The following STK32A variants were observed in gnomAD, a reference collection of about 807,000 sequenced individuals.
The protein encoded by STK32A is serine/threonine-protein kinase 32A.
STK32A carries 41 observed loss-of-function variants against 53.2 expected under a neutral mutation model. The ratio of observed to expected loss-of-function variants is 0.77; its 90% CI spans 0.60 to 1.00. STK32A has a LOEUF of 1.00. STK32A is among the 50% of genes least tolerant of loss of function. The pLI, the probability that STK32A is intolerant of heterozygous loss-of-function variation, is 0.00. For missense variants in STK32A, 458 were observed against 485.8 expected, an observed-to-expected ratio of 0.94 and a Z score of 0.54; for synonymous variants, 166 against 162.8, an observed-to-expected ratio of 1.02 and a Z score of -0.15.
At chr5:147,322,557 C>A (rs1036055474) in intron 4 of STK32A, among the ~76,000 whole-genome samples, 2 of 152,194 alleles carry the variant, frequency 1.3e-5, no homozygotes, top group African/African-American at 4.8e-5. Flanking sequence ...TAATTTGTCA[C>A]AAGGAAGTAA....
rs1265004430 is a variant in STK32A, at chr5:147,387,710, A to C, written c.*3727A>C. ...TGACTGATATTAAACACTGATATTA[A>C]AATTTCAAACTTCACTTATCTGTGC... On this transcript the variant is annotated 3_prime_UTR_variant, in exon 13 of 13. Transcript: ENST00000397936. 6.6e-6 allele frequency: 1 copy of C among 152,264 alleles called. No homozygotes were observed. The highest frequency in any genetic ancestry group is 1.5e-5 in the Non-Finnish European group (1 of 68,044). The allele number at this position is 152,264 out of a possible 1,614,324, so 9.4% of individuals were successfully genotyped here. A position where few individuals can be genotyped will look rare whatever the true frequency, so the allele number is the denominator to read the frequency against.
chr5:147,330,606 C>G (rs985247634), intron 5 of STK32A, among the ~76,000 whole-genome samples: 1 of 152,202 alleles, frequency 6.6e-6, no homozygotes, highest in Non-Finnish European at 1.5e-5. Context: ...AAATATAGCC[C>G]TGAACTTCCC....
chr5:147,371,354 C>T (rs2152003606), intron 9 of STK32A, among the ~76,000 whole-genome samples: 1 of 152,248 alleles, frequency 6.6e-6, no homozygotes, highest in South Asian at 2.1e-4. Flanking sequence ...TTCAAAATAC[C>T]TCTCAAGCCT....
chr5:147,366,060 T>A (rs201152291), intron 8 of STK32A, among the ~76,000 whole-genome samples: 1 of 151,668 alleles, frequency 6.6e-6, no homozygotes, highest in Non-Finnish European at 1.5e-5. Flanking sequence ...CACATACACA[T>A]ACACACCCTT....
chr5:147,344,103 T>C (rs952112404), intron 6 of STK32A, among the ~76,000 whole-genome samples: 1 of 152,200 alleles, frequency 6.6e-6, no homozygotes, highest in Non-Finnish European at 1.5e-5. Flanking sequence ...CTTTGTTATG[T>C]CTTTAGAAGG....
At chr5:147,304,484 G>A (rs972684366) in intron 4 of STK32A, among the ~76,000 whole-genome samples, 9 of 152,098 alleles carry the variant, frequency 5.9e-5, no homozygotes, top group Non-Finnish European at 1.3e-4. Context: ...GGAAATTCAG[G>A]GAGTATAAAG....
intron 4 of STK32A, among the ~76,000 whole-genome samples, chr5:147,292,500 CA>C (rs1472716317): frequency 2.0e-5 from 3 of 151,612 alleles, no homozygotes; most frequent in African/African-American, 7.3e-5. Flanking sequence ...CTAAATAGCT[CA>C]AAAAAAATTC....
At position 147,385,012 on chromosome 5, in the gene STK32A, T is replaced by G. The variant is rs1757596249; in HGVS notation, c.*1029T>G. 6.6e-6 allele frequency: 1 copy of G among 152,270 alleles called. No individual in the cohort carries two copies. The highest frequency in any genetic ancestry group is 2.4e-5 in the African/African-American group (1 of 41,466). The allele number at this position is 152,270 out of a possible 1,614,324, so 9.4% of individuals were successfully genotyped here. A position where few individuals can be genotyped will look rare whatever the true frequency, so the allele number is the denominator to read the frequency against. ...GTAAAGCCCAATACAGTGTCACCTTTCACTAATGAAACAAGCCATTGCTTT... is the reference window on the plus strand; with the variant it reads ...GTAAAGCCCAATACAGTGTCACCTTGCACTAATGAAACAAGCCATTGCTTT... On this transcript the variant is annotated 3_prime_UTR_variant, in exon 13 of 13. Coordinates refer to ENST00000397936, the MANE Select transcript of STK32A (RefSeq NM_001112724.2).
intron 11 of STK32A, among the ~76,000 whole-genome samples, chr5:147,377,486 AT>A (rs1222595720): frequency 2.0e-5 from 3 of 151,702 alleles, no homozygotes; most frequent in South Asian, 2.1e-4. Context: ...GTGCCTTGTG[AT>A]TTTTTTTCTG....
chr5:147,284,164 A>T lies in STK32A; in HGVS notation c.260+4766A>T, dbSNP rs538802702. ...ACACACCACATAAACAGAATTTTTA[A>T]AAAAATCACATGATCATCTCAGTAG... On this transcript the variant is annotated intron_variant, in intron 4 of 12. Transcript: ENST00000397936. Among the ~76,000 whole-genome samples the T allele has an allele frequency of 3.3e-5, 5 of 152,246 alleles. No homozygotes were observed. The East Asian group carries it at 7.7e-4, about 23-fold the overall frequency.
intron 4 of STK32A, among the ~76,000 whole-genome samples, chr5:147,283,570 G>A (rs1287316339): frequency 2.0e-5 from 3 of 151,384 alleles, no homozygotes; most frequent in African/African-American, 7.3e-5. Flanking sequence ...GAAAACAAGG[G>A]AGAAAATCTA....
At chr5:147,374,393 G>GAGCAAT (rs1378661319) in intron 10 of STK32A, among the ~76,000 whole-genome samples, 1 of 152,078 alleles carries the variant, frequency 6.6e-6, no homozygotes, top group East Asian at 1.9e-4. Flanking sequence ...CCAATGAGAG[G>GAGCAAT]GTAAGGAGAA....
At chr5:147,281,313 G>A (rs1008439035) in intron 4 of STK32A, among the ~76,000 whole-genome samples, 1 of 152,112 alleles carries the variant, frequency 6.6e-6, no homozygotes, top group African/African-American at 2.4e-5. Flanking sequence ...AATCAGGGAG[G>A]AACCAGAGAA....
intron 7 of STK32A, among the ~76,000 whole-genome samples, chr5:147,351,886 A>G (rs1476786115): frequency 6.6e-6 from 1 of 152,202 alleles, no homozygotes. Context: ...AGTAGGAAAC[A>G]GTAATAAGCA....
chr5:147,358,451 TG>T (rs1756354664), intron 7 of STK32A, among the ~76,000 whole-genome samples: 1 of 152,172 alleles, frequency 6.6e-6, no homozygotes, highest in African/African-American at 2.4e-5. Flanking sequence ...TAAAGAGATA[TG>T]CACTTATAGG....
At chr5:147,361,024 A>G (rs1756481070) in intron 7 of STK32A, among the ~76,000 whole-genome samples, 1 of 152,080 alleles carries the variant, frequency 6.6e-6, no homozygotes, top group South Asian at 2.1e-4. Context: ...TCCCTCCCTC[A>G]TCCCCAACAG....
rs938608968 is a variant in STK32A at position 147,382,001 on chromosome 5, G to A, written c.1033-1440G>A. 1.8e-4 allele frequency among the ~76,000 whole-genome samples: 28 copies of A among 152,042 alleles called. 1 individual carries two copies. The highest frequency in any genetic ancestry group is 1.8e-3 in the Admixed American group (27 of 15,258). On this transcript the variant is annotated intron_variant, in intron 11 of 12. Transcript: ENST00000397936. Reference sequence around the variant, plus strand: ...ATCACCCTCAAAAAAATCTCCTAATGTTTTAAGAAAGTTTACAAATTTGTG... The same window carrying A: ...ATCACCCTCAAAAAAATCTCCTAATATTTTAAGAAAGTTTACAAATTTGTG...
the STK32A span, chr5:147,401,577 G>A: frequency 6.2e-7 from 1 of 1,613,702 alleles, no homozygotes; most frequent in Middle Eastern, 1.7e-4. Context: ...GGAGTAGTTG[G>A]GTCAGGGCTC....
rs147147171 is a variant in STK32A at position 147,331,227 on chromosome 5, C to T, written c.434+7156C>T. Among the ~76,000 whole-genome samples the T allele has an allele frequency of 2.6e-4, 39 of 152,270 alleles. No homozygotes were observed. The East Asian group carries it at 7.5e-3, about 29-fold the overall frequency. ...TAACTATTTAATTTATACTACAAAG[C>T]ACCTATGTCACTTTTTTAATGACTT... On this transcript the variant is annotated intron_variant, in intron 5 of 12. Coordinates refer to ENST00000397936, the MANE Select transcript of STK32A (RefSeq NM_001112724.2).
Sources: allele counts gnomAD v4.1 joint callset (sites outside exome capture counted in the v4.1 genomes callset), GRCh38; gene constraint gnomAD v4.1.1; transcripts MANE v1.5; gene names NCBI Gene and HGNC (gene_info 2026-07-23, HGNC 2026-07-21).